The following BRD10 variants were observed in gnomAD, a reference collection of about 807,000 sequenced individuals.
The protein encoded by BRD10 is uncharacterized bromodomain-containing protein 10.
At chr9:5,930,369 T>TTATATATATATATATATATA in the BRD10 span, among the ~76,000 whole-genome samples, 13 of 135,510 alleles carry the variant, frequency 9.6e-5, no homozygotes, top group South Asian at 4.9e-4. Flanking sequence ...TATAAGGAGA[T>TTATATATATATATATATATA]TATATATATA....
chr9:5,934,674 T>C, the BRD10 span, among the ~76,000 whole-genome samples: 1 of 152,056 alleles, frequency 6.6e-6, no homozygotes, highest in Non-Finnish European at 1.5e-5. Context: ...CCATATTATG[T>C]TTTTTAATTA....
the BRD10 span, chr9:5,906,850 T>C: frequency 7.4e-7 from 1 of 1,357,686 alleles, no homozygotes; most frequent in South Asian, 1.4e-5. Flanking sequence ...AGTTACTTCT[T>C]CTCACCCACT....
the BRD10 span, among the ~76,000 whole-genome samples, chr9:5,933,159 G>C: frequency 6.6e-6 from 1 of 152,132 alleles, no homozygotes; most frequent in Non-Finnish European, 1.5e-5. Flanking sequence ...TATTTAATAA[G>C]CTTTATGCAT....
chr9:5,974,013 T>A, the BRD10 span, among the ~76,000 whole-genome samples: 1,588 of 152,264 alleles, frequency 0.01, 17 homozygotes, highest in Non-Finnish European at 0.019. Context: ...TTTCCAGAAC[T>A]AATGGGCACA....
At chr9:5,935,973 A>C in the BRD10 span, among the ~76,000 whole-genome samples, 10 of 152,192 alleles carry the variant, frequency 6.6e-5, no homozygotes, top group Admixed American at 6.5e-4. Flanking sequence ...TAACTTGATG[A>C]CTTGGGTCAT....
the BRD10 span, among the ~76,000 whole-genome samples, chr9:5,973,121 T>C: frequency 1.3e-5 from 2 of 152,216 alleles, no homozygotes; most frequent in Non-Finnish European, 2.9e-5. Context: ...GCATAAATAA[T>C]TATTAAAATG....
chr9:6,007,497 G>A, the BRD10 span: 11 of 1,612,446 alleles, frequency 6.8e-6, no homozygotes, highest in African/African-American at 2.7e-5. Context: ...AGGGGGCGGT[G>A]AGGCCCCGGT....
At chr9:6,000,093 A>G in the BRD10 span, among the ~76,000 whole-genome samples, 1 of 152,206 alleles carries the variant, frequency 6.6e-6, no homozygotes, top group African/African-American at 2.4e-5. Flanking sequence ...TAAAAGAAGA[A>G]AATGAAAACT....
chr9:5,926,120 G>A, the BRD10 span, among the ~76,000 whole-genome samples: 2 of 152,040 alleles, frequency 1.3e-5, no homozygotes, highest in African/African-American at 2.4e-5. Context: ...GTTTCACCAT[G>A]TTGGCCAAGC....
chr9:5,974,985 GATT>G, the BRD10 span, among the ~76,000 whole-genome samples: 6 of 152,076 alleles, frequency 3.9e-5, no homozygotes, highest in Non-Finnish European at 7.4e-5. Context: ...AAAAGCTCAA[GATT>G]TATAGAGATC....
the BRD10 span, among the ~76,000 whole-genome samples, chr9:5,955,601 A>T: frequency 3.8e-4 from 58 of 150,696 alleles, no homozygotes; most frequent in African/African-American, 1.4e-3. Flanking sequence ...TTTTGGCTCA[A>T]TGAAATCCAT....
the BRD10 span, chr9:5,897,466 G>A: frequency 1.6e-6 from 2 of 1,224,062 alleles, no homozygotes; most frequent in Admixed American, 1.7e-5. Flanking sequence ...GGTCGTCAAA[G>A]TCCATATGAA....
the BRD10 span, among the ~76,000 whole-genome samples, chr9:5,992,250 C>T: frequency 1.3e-5 from 2 of 152,260 alleles, no homozygotes; most frequent in South Asian, 2.1e-4. Flanking sequence ...TCATCATGCC[C>T]TCAAACTGTG....
the BRD10 span, chr9:5,922,017 T>C: frequency 1.9e-6 from 3 of 1,613,936 alleles, no homozygotes; most frequent in Admixed American, 3.3e-5. Context: ...GAAGAAGTTG[T>C]TGATTTTGGC....
the BRD10 span, among the ~76,000 whole-genome samples, chr9:5,955,592 T>G: frequency 6.6e-6 from 1 of 152,214 alleles, no homozygotes; most frequent in South Asian, 2.1e-4. Context: ...ATTTCTAACT[T>G]TTGGCTCAAT....
At chr9:5,986,247 G>C in the BRD10 span, among the ~76,000 whole-genome samples, 1 of 152,252 alleles carries the variant, frequency 6.6e-6, no homozygotes, top group East Asian at 1.9e-4. Flanking sequence ...TCCTGTGTTA[G>C]TTTGCTGAGG....
the BRD10 span, among the ~76,000 whole-genome samples, chr9:5,944,104 C>G: frequency 2.0e-5 from 3 of 152,062 alleles, no homozygotes; most frequent in Non-Finnish European, 4.4e-5. Flanking sequence ...TCATGATATT[C>G]CTAAGGCGCA....
chr9:6,002,273 C>T, the BRD10 span, among the ~76,000 whole-genome samples: 2 of 152,176 alleles, frequency 1.3e-5, no homozygotes, highest in African/African-American at 2.4e-5. Flanking sequence ...TGTTACTGCA[C>T]TTAAAACATT....
chr9:5,906,948 G>C, the BRD10 span: 4 of 1,599,116 alleles, frequency 2.5e-6, no homozygotes, highest in East Asian at 9.3e-5. Context: ...AGAAGGGTTT[G>C]ATCATCGGGA....
Sources: gnomAD v4.1 joint callset for allele counts (sites outside exome capture counted in the v4.1 genomes callset) on GRCh38, gnomAD v4.1.1 for gene constraint, MANE v1.5 for transcripts, NCBI Gene and HGNC (gene_info 2026-07-23, HGNC 2026-07-21) for gene names.